The following GPHN variants were observed in gnomAD, a reference collection of about 807,000 sequenced individuals.
GPHN encodes the protein gephyrin.
A neutral mutation model predicts 95.5 loss-of-function variants in GPHN; 17 were observed. The ratio of observed to expected loss-of-function variants is 0.18; its 90% CI spans 0.12 to 0.27. GPHN has a LOEUF of 0.27. Among genes scored for constraint, GPHN ranks in the 10% least tolerant of loss-of-function variants. GPHN has a pLI of 1.00. For synonymous variants in GPHN, 320 were observed against 322.5 expected, an observed-to-expected ratio of 0.99 and a Z score of 0.08; for missense variants, 660 against 978.1, an observed-to-expected ratio of 0.67 and a Z score of 4.34.
At chr14:66,629,179 AC>A (rs1333740253) in intron 1 of GPHN, among the ~76,000 whole-genome samples, 1 of 136,686 alleles carries the variant, frequency 7.3e-6, no homozygotes, top group Non-Finnish European at 1.6e-5. Context: ...ATATATATAT[AC>A]ATATATAAAT....
At chr14:67,193,048 AGATAT>A in the GPHN span, among the ~76,000 whole-genome samples, 1 of 145,502 alleles carries the variant, frequency 6.9e-6, no homozygotes, top group South Asian at 2.2e-4. Context: ...ATCTAGATAT[AGATAT>A]ATCTCTATAT....
At chr14:67,310,784 A>C in the GPHN span, among the ~76,000 whole-genome samples, 1,163 of 152,318 alleles carry the variant, frequency 7.6e-3, 14 homozygotes, top group African/African-American at 0.025. Context: ...AAATTAAAAA[A>C]TATTCTTTAA....
chr14:67,562,541 G>C, the GPHN span: 1 of 1,609,244 alleles, frequency 6.2e-7, no homozygotes, highest in Admixed American at 1.7e-5. Flanking sequence ...TGCCAGGGAA[G>C]GTGGTCCTGG....
chr14:67,233,756 C>T, the GPHN span, among the ~76,000 whole-genome samples: 1 of 152,166 alleles, frequency 6.6e-6, no homozygotes, highest in Non-Finnish European at 1.5e-5. Context: ...GGTAGATAAA[C>T]AGGATTTCCT....
the GPHN span, chr14:67,387,424 T>C: frequency 6.2e-7 from 1 of 1,610,140 alleles, no homozygotes; most frequent in South Asian, 1.1e-5. Context: ...GTAATCACTT[T>C]GAAGAGGTTT....
At chr14:66,869,071 A>C (rs28436247) in intron 4 of GPHN, among the ~76,000 whole-genome samples, 11,170 of 152,236 alleles carry the variant, frequency 0.073, 1,016 homozygotes, top group African/African-American at 0.21. Flanking sequence ...AAGTAAGACT[A>C]TAAATTTCTA....
At chr14:66,992,060 A>G (rs954548640) in intron 9 of GPHN, among the ~76,000 whole-genome samples, 17 of 152,100 alleles carry the variant, frequency 1.1e-4, no homozygotes, top group African/African-American at 3.9e-4. Context: ...TGAAATAAAG[A>G]TAGTTAAAAG....
chr14:67,448,494 G>T, the GPHN span, among the ~76,000 whole-genome samples: 1 of 152,044 alleles, frequency 6.6e-6, no homozygotes, highest in East Asian at 1.9e-4. Flanking sequence ...GCTTAAATTT[G>T]GTGCCAACCT....
the GPHN span, chr14:67,541,956 T>C: frequency 2.0e-5 from 32 of 1,607,960 alleles, 1 homozygote; most frequent in South Asian, 2.8e-4. Context: ...CGGTTCCGCC[T>C]ACAGGCCAGC....
chr14:67,408,412 CA>C, the GPHN span, among the ~76,000 whole-genome samples: 1 of 151,490 alleles, frequency 6.6e-6, no homozygotes, highest in African/African-American at 2.4e-5. Context: ...TGTATTTCCC[CA>C]AAAAAGATAC....
chr14:66,954,677 T>C (rs181419275), intron 8 of GPHN, among the ~76,000 whole-genome samples: 10 of 152,332 alleles, frequency 6.6e-5, no homozygotes, highest in Middle Eastern at 6.8e-3. Context: ...AGAATTGGCC[T>C]GAGTAGACAT....
chr14:67,267,646 C>G, the GPHN span, among the ~76,000 whole-genome samples: 3 of 152,162 alleles, frequency 2.0e-5, no homozygotes, highest in Non-Finnish European at 4.4e-5. Flanking sequence ...TTTATGGGAA[C>G]AGTTTAAGTT....
the GPHN span, among the ~76,000 whole-genome samples, chr14:67,329,635 A>G: frequency 6.6e-6 from 1 of 152,086 alleles, no homozygotes; most frequent in Admixed American, 6.6e-5. Context: ...AGCTCTTATT[A>G]TTTTGAGATA....
At chr14:66,919,493 G>A (rs2066089722) in intron 6 of GPHN, among the ~76,000 whole-genome samples, 1 of 152,084 alleles carries the variant, frequency 6.6e-6, no homozygotes, top group Non-Finnish European at 1.5e-5. Flanking sequence ...AAGAATGAGG[G>A]GTTGGGATTA....
At chr14:66,556,133 A>T (rs184384490) in intron 1 of GPHN, among the ~76,000 whole-genome samples, 245 of 152,290 alleles carry the variant, frequency 1.6e-3, no homozygotes, top group Non-Finnish European at 2.0e-3. Context: ...GATACAGTAA[A>T]AATATGATGT....
At chr14:67,628,218 G>A in the GPHN span, among the ~76,000 whole-genome samples, 5 of 152,200 alleles carry the variant, frequency 3.3e-5, no homozygotes, top group East Asian at 9.7e-4. Flanking sequence ...TTATATTGCA[G>A]ATTCTTTTAT....
chr14:66,863,567 T>C (rs1484666144), intron 4 of GPHN, among the ~76,000 whole-genome samples: 2 of 152,088 alleles, frequency 1.3e-5, no homozygotes, highest in East Asian at 1.9e-4. Flanking sequence ...GACTTCAAAG[T>C]ATATTATAGA....
At chr14:67,675,759 G>A in the GPHN span, among the ~76,000 whole-genome samples, 1 of 151,956 alleles carries the variant, frequency 6.6e-6, no homozygotes, top group Admixed American at 6.6e-5. Flanking sequence ...TAAGTGTCAC[G>A]TGTTAAAAAT....
chr14:67,474,939 G>A, the GPHN span, among the ~76,000 whole-genome samples: 63 of 126,390 alleles, frequency 5.0e-4, no homozygotes, highest in Admixed American at 2.6e-3. Flanking sequence ...TTTTTGTGAC[G>A]GAGTCTCGCT....
Sources: gnomAD v4.1 joint callset for allele counts (sites outside exome capture counted in the v4.1 genomes callset) on GRCh38, gnomAD v4.1.1 for gene constraint, MANE v1.5 for transcripts, NCBI Gene and HGNC (gene_info 2026-07-23, HGNC 2026-07-21) for gene names.